The following SGMS2 variants were observed in gnomAD, a reference collection of about 807,000 sequenced individuals.
The protein encoded by SGMS2 is phosphatidylcholine:ceramide cholinephosphotransferase 2.
Under a neutral mutation model 43.8 loss-of-function variants are expected in SGMS2, and 21 were observed. The ratio of observed to expected loss-of-function variants is 0.48; its 90% confidence interval spans 0.34 to 0.69. The LOEUF (loss-of-function observed/expected upper bound fraction) is 0.69, where lower values mean the gene tolerates loss of function less well. SGMS2 is among the 30% of genes least tolerant of loss of function. The probability of loss-of-function intolerance (pLI) is 0.01; values close to 1 mark genes in which losing one functional copy is unlikely to be tolerated. For synonymous variants in SGMS2, 167 were observed against 160.6 expected, an observed-to-expected ratio of 1.04 and a Z score of -0.30; for missense variants, 384 against 443.2, an observed-to-expected ratio of 0.87 and a Z score of 1.20.
chr4:107,869,339 T>C (rs1395099622), intron 2 of SGMS2, among the ~76,000 whole-genome samples: 1 of 152,148 alleles, frequency 6.6e-6, no homozygotes. Flanking sequence ...GGAAGAAGTT[T>C]AGGCTGCTAA....
intron 2 of SGMS2, among the ~76,000 whole-genome samples, chr4:107,873,657 C>T (rs17038153): frequency 0.085 from 12,860 of 151,982 alleles, 644 homozygotes; most frequent in Middle Eastern, 0.12. Context: ...GAGTATCTGA[C>T]TTTTTCACAT....
chr4:107,889,925 C>G (rs1421914968), intron 2 of SGMS2, among the ~76,000 whole-genome samples: 1 of 152,142 alleles, frequency 6.6e-6, no homozygotes, highest in Non-Finnish European at 1.5e-5. Flanking sequence ...TATCTTTTAA[C>G]CAGATCTCTG....
Position 107,907,212 on chromosome 4 carries a change from T to C in SGMS2, c.728-1353T>C, listed in dbSNP as rs1312361350. On this transcript the variant is annotated intron_variant, in intron 5 of 6. Transcript: ENST00000690982. ...TAGAAAATCAGACTTTCAAATGCCATACAGGTTTATTTTCTTACTGTGTGC... is the reference window on the plus strand; with the variant it reads ...TAGAAAATCAGACTTTCAAATGCCACACAGGTTTATTTTCTTACTGTGTGC... The C allele has an allele frequency of 2.6e-5, 4 of 152,228 alleles. No homozygotes were observed. The East Asian group carries it at 7.7e-4, about 29-fold the overall frequency. The allele number at this position is 152,228 out of a possible 1,614,324, so 9.4% of individuals were successfully genotyped here. A position where few individuals can be genotyped will look rare whatever the true frequency, so the allele number is the denominator to read the frequency against.
intron 1 of SGMS2, among the ~76,000 whole-genome samples, chr4:107,833,820 T>G (rs1427919375): frequency 6.6e-6 from 1 of 152,166 alleles, no homozygotes; most frequent in African/African-American, 2.4e-5. Context: ...CACAAGGACC[T>G]TCTGAGTGGA....
chr4:107,878,965 T>G (rs1729131390), intron 2 of SGMS2, among the ~76,000 whole-genome samples: 1 of 152,232 alleles, frequency 6.6e-6, no homozygotes. Context: ...CATCCCTGTG[T>G]GCTACACTGT....
At chr4:107,885,562 T>C (rs1395367363) in intron 2 of SGMS2, among the ~76,000 whole-genome samples, 1 of 152,188 alleles carries the variant, frequency 6.6e-6, no homozygotes, top group Non-Finnish European at 1.5e-5. Context: ...AGAATCTTTT[T>C]GTCAAATACA....
At chr4:107,839,165 G>A (rs922878182) in intron 1 of SGMS2, among the ~76,000 whole-genome samples, 3 of 152,162 alleles carry the variant, frequency 2.0e-5, no homozygotes, top group Admixed American at 1.3e-4. Flanking sequence ...TTCTTTGGGT[G>A]AAGACATCTC....
In SGMS2 at chr4:107,911,056, G is replaced by C. The variant is rs1025068060; in HGVS notation, c.*503G>C. On this transcript the variant is annotated 3_prime_UTR_variant, in exon 7 of 7. Transcript: ENST00000690982. ...TGTGCGTCAGCTTTGGGTGAATTTT[G>C]TTTCTACCCTGTCACGGGGAAAGTT... is the stretch of plus-strand genomic sequence containing the variant. 1 of 154,002 alleles carries C rather than the reference G, an allele frequency of 6.5e-6. No individual in the cohort carries two copies. The highest frequency in any genetic ancestry group is 1.9e-4 in the East Asian group (1 of 5,232). The allele number at this position is 154,002 out of a possible 1,614,324, so 9.5% of individuals were successfully genotyped here.
chr4:107,876,310 A>T (rs1417072784), intron 2 of SGMS2, among the ~76,000 whole-genome samples: 1 of 152,170 alleles, frequency 6.6e-6, no homozygotes, highest in Non-Finnish European at 1.5e-5. Context: ...GTTCTTAGGC[A>T]TGTGCCATCC....
At chr4:107,840,378 G>A (rs2125997373) in intron 1 of SGMS2, among the ~76,000 whole-genome samples, 1 of 152,242 alleles carries the variant, frequency 6.6e-6, no homozygotes, top group Non-Finnish European at 1.5e-5. Context: ...AATATTAGCT[G>A]TTGTGATTTG....
chr4:107,902,196 C>T (rs1731176009), intron 4 of SGMS2, among the ~76,000 whole-genome samples: 1 of 149,572 alleles, frequency 6.7e-6, no homozygotes, highest in Non-Finnish European at 1.5e-5. Flanking sequence ...AGATGATAAG[C>T]TTTCCTTTTT....
intron 2 of SGMS2, among the ~76,000 whole-genome samples, chr4:107,871,532 C>T (rs1266486656): frequency 2.0e-5 from 3 of 151,966 alleles, no homozygotes; most frequent in African/African-American, 4.8e-5. Context: ...TCTCTTCTGC[C>T]GCCTTCCTTA....
chr4:107,868,488 G>A (rs571251576), intron 2 of SGMS2, among the ~76,000 whole-genome samples: 33 of 152,242 alleles, frequency 2.2e-4, no homozygotes, highest in South Asian at 1.0e-3. Flanking sequence ...AGGCCTAGGC[G>A]GGTGGATCAC....
rs1457054978 is a variant in SGMS2, at chr4:107,914,456, GT to G, written c.*3905del. On this transcript the variant is annotated 3_prime_UTR_variant, in exon 7 of 7. Transcript: ENST00000690982. The stretch of plus-strand genomic sequence containing the variant: ...AATGATTAATGCTGCAAAATGTATG[GT>G]TATGTTACCGTATATTCACAAAAGA... The G allele has an allele frequency of 6.6e-6, 1 of 152,018 alleles. No homozygotes were observed. The allele number at this position is 152,018 out of a possible 1,614,324, so 9.4% of individuals were successfully genotyped here. A position where few individuals can be genotyped will look rare whatever the true frequency, so the allele number is the denominator to read the frequency against.
rs202043669 is a variant in SGMS2, at chr4:107,890,969, C to A, written c.-244-4341C>A. Among the ~76,000 whole-genome samples the A allele has an allele frequency of 2.0e-4, 30 of 152,204 alleles. No homozygotes were observed. The East Asian group carries it at 5.0e-3, about 26-fold the overall frequency. On this transcript the variant is annotated intron_variant, in intron 2 of 6. Transcript: ENST00000690982. ...TCATGGTGGGAAAAAAAAGGCAGAA[C>A]CCTAGCTATTGAAATGCAGTGTGAG...
intron 1 of SGMS2, among the ~76,000 whole-genome samples, chr4:107,843,335 A>G (rs887005433): frequency 2.0e-5 from 3 of 152,230 alleles, no homozygotes; most frequent in African/African-American, 4.8e-5. Context: ...AGAATTGATT[A>G]TATTCTAAAG....
intron 2 of SGMS2, among the ~76,000 whole-genome samples, chr4:107,868,713 G>T (rs578020662): frequency 2.6e-5 from 4 of 150,976 alleles, no homozygotes; most frequent in East Asian, 3.9e-4. Context: ...GTGAGACTTT[G>T]TCTCAAAAAA....
In SGMS2 at chr4:107,911,377, G is replaced by A. The variant is rs1258023253; in HGVS notation, c.*824G>A. The A allele has an allele frequency of 6.6e-6, 1 of 152,160 alleles. No individual in the cohort carries two copies. The highest frequency in any genetic ancestry group is 1.5e-5 in the Non-Finnish European group (1 of 68,048). 9.4% of individuals were successfully genotyped at this position (152,160 alleles called of 1,614,324 possible). ...TGTAAATTTGGATCTGGTGCCCCAG[G>A]GCAGTCAACTCTTCTAGCACAGGCT... On this transcript the variant is annotated 3_prime_UTR_variant, in exon 7 of 7. Transcript: ENST00000690982.
At position 107,910,589 on chromosome 4, in the gene SGMS2, G is replaced by C. The variant is rs751076863; in HGVS notation, c.*36G>C. On this transcript the variant is annotated 3_prime_UTR_variant, in exon 7 of 7. Coordinates refer to ENST00000690982, the MANE Select transcript of SGMS2 (RefSeq NM_001375905.1). Reference sequence around the variant, plus strand: ...AAAGGCATCAGCTCTTACACCAAAAGAGTTAACGCTGTAACCAAAGGTATA... The same window carrying C: ...AAAGGCATCAGCTCTTACACCAAAACAGTTAACGCTGTAACCAAAGGTATA... 4 of 1,590,942 alleles carry C rather than the reference G, an allele frequency of 2.5e-6. No homozygotes were observed. In the African/African-American group the frequency reaches 5.4e-5, roughly 22 times the overall value.
Sources: gnomAD v4.1 joint callset for allele counts (sites outside exome capture counted in the v4.1 genomes callset) on GRCh38, gnomAD v4.1.1 for gene constraint, MANE v1.5 for transcripts, NCBI Gene and HGNC (gene_info 2026-07-23, HGNC 2026-07-21) for gene names.